PHF21B: variants seen among roughly 807,000 people sequenced by gnomAD.
PHF21B encodes PHD finger protein 4.
PHF21B carries 22 observed loss-of-function variants against 62.2 expected under a neutral mutation model. That is an observed-to-expected ratio of 0.35 (90% confidence interval 0.25 to 0.51). PHF21B has a LOEUF of 0.51. PHF21B is among the 20% of genes least tolerant of loss of function. The pLI is 0.97. For missense variants in PHF21B, 701 were observed against 707.9 expected (o/e 0.99, Z 0.11); for synonymous variants, 341 against 314.7 (o/e 1.08, Z -0.88).
At chr22:44,943,722 G>A (rs958195101) in intron 2 of PHF21B, among the ~76,000 whole-genome samples, 3 of 152,130 alleles carry the variant, frequency 2.0e-5, no homozygotes, top group Non-Finnish European at 4.4e-5. Flanking sequence ...AGCGACTCCT[G>A]GGCCGTGTGA....
At chr22:44,894,025 C>G (rs2071014397) in intron 6 of PHF21B, among the ~76,000 whole-genome samples, 1 of 152,244 alleles carries the variant, frequency 6.6e-6, no homozygotes, top group African/African-American at 2.4e-5. Flanking sequence ...CATGGCCACA[C>G]TGACGGTGTT....
intron 2 of PHF21B, among the ~76,000 whole-genome samples, chr22:44,942,229 T>C (rs1194309825): frequency 1.3e-5 from 2 of 152,070 alleles, no homozygotes; most frequent in African/African-American, 2.4e-5. Flanking sequence ...TCATACTTGG[T>C]GTGGGGGCCT....
chr22:44,969,669 A>G (rs1191321685), intron 2 of PHF21B, among the ~76,000 whole-genome samples: 1 of 151,956 alleles, frequency 6.6e-6, no homozygotes, highest in Non-Finnish European at 1.5e-5. Flanking sequence ...CAGTCTCAAA[A>G]AAAAAGAAAA....
intron 2 of PHF21B, among the ~76,000 whole-genome samples, chr22:44,960,388 G>A (rs1448137388): frequency 6.6e-6 from 1 of 152,102 alleles, no homozygotes; most frequent in Non-Finnish European, 1.5e-5. Flanking sequence ...GCAGCACCAG[G>A]CAAAGCCCCC....
intron 12 of PHF21B, among the ~76,000 whole-genome samples, chr22:44,884,078 T>TCATTACCACC (rs2070790996): frequency 1.2e-5 from 1 of 84,554 alleles, no homozygotes; most frequent in African/African-American, 4.4e-5. Context: ...TGATCACCAT[T>TCATTACCACC]ATCACCACCG....
At chr22:44,999,564 T>C (rs2073176956) in intron 2 of PHF21B, among the ~76,000 whole-genome samples, 2 of 152,174 alleles carry the variant, frequency 1.3e-5, no homozygotes. Flanking sequence ...CCAGGACGGT[T>C]ACTAACTTGC....
rs564617766 is a variant in PHF21B, at chr22:44,923,195, C to A, written c.121-2705G>T. On this transcript the variant is annotated intron_variant, in intron 2 of 12. Transcript: ENST00000313237. Reference sequence around the variant, plus strand: ...AAAGTAGACTTACACATACATAGTCCATTGATTTTCAGCAAAGCCCAAAAA... The same window carrying A: ...AAAGTAGACTTACACATACATAGTCAATTGATTTTCAGCAAAGCCCAAAAA... 1.5e-3 allele frequency among the ~76,000 whole-genome samples: 225 copies of A among 152,102 alleles called. 1 individual carries two copies. Among genetic ancestry groups the A allele is most frequent in the South Asian group, 7.5e-3 (36 of 4,806 alleles).
At chr22:44,938,512 C>T (rs893190690) in intron 2 of PHF21B, among the ~76,000 whole-genome samples, 2 of 152,330 alleles carry the variant, frequency 1.3e-5, no homozygotes, top group South Asian at 4.1e-4. Context: ...GGACTACAGG[C>T]GTGAGCCACT....
At chr22:44,963,626 C>A (rs1049418494) in intron 2 of PHF21B, among the ~76,000 whole-genome samples, 3 of 152,214 alleles carry the variant, frequency 2.0e-5, no homozygotes, top group Non-Finnish European at 2.9e-5. Context: ...AGGCACTCAC[C>A]GCAGACTTTG....
intron 2 of PHF21B, among the ~76,000 whole-genome samples, chr22:44,956,003 G>T (rs2072289247): frequency 6.6e-6 from 1 of 152,196 alleles, no homozygotes; most frequent in Non-Finnish European, 1.5e-5. Context: ...GAGGCACGGT[G>T]CTTTGTCCTG....
At chr22:44,956,101 T>C (rs1423877466) in intron 2 of PHF21B, among the ~76,000 whole-genome samples, 1 of 152,208 alleles carries the variant, frequency 6.6e-6, no homozygotes, top group Non-Finnish European at 1.5e-5. Context: ...GCCCTCCAGC[T>C]TGACGACACA....
chr22:44,954,817 C>T (rs2072262450), intron 2 of PHF21B, among the ~76,000 whole-genome samples: 1 of 152,202 alleles, frequency 6.6e-6, no homozygotes, highest in African/African-American at 2.4e-5. Flanking sequence ...TGGTCTGGCC[C>T]CGCTGGAAGA....
chr22:44,982,445 A>C (rs2072860316), intron 2 of PHF21B, among the ~76,000 whole-genome samples: 1 of 152,194 alleles, frequency 6.6e-6, no homozygotes, highest in South Asian at 2.1e-4. Flanking sequence ...TGGGGCTCGG[A>C]AAGTCATCCG....
intron 2 of PHF21B, among the ~76,000 whole-genome samples, chr22:44,958,680 A>G (rs1165338299): frequency 7.7e-6 from 1 of 130,638 alleles, no homozygotes. Context: ...ATCTTGGCTC[A>G]CAGCAACCTC....
chr22:44,975,816 C>T (rs1184456210), intron 2 of PHF21B, among the ~76,000 whole-genome samples: 1 of 152,224 alleles, frequency 6.6e-6, no homozygotes, highest in African/African-American at 2.4e-5. Context: ...CAGGAGAGGG[C>T]GCTGGTCAGT....
intron 5 of PHF21B, among the ~76,000 whole-genome samples, chr22:44,898,105 G>C (rs2071091372): frequency 6.6e-6 from 1 of 152,172 alleles, no homozygotes; most frequent in African/African-American, 2.4e-5. Context: ...ACTGTGCCCA[G>C]CCCTTTGTTT....
intron 2 of PHF21B, among the ~76,000 whole-genome samples, chr22:44,962,939 T>C (rs16993229): frequency 0.13 from 19,308 of 152,178 alleles, 1,391 homozygotes; most frequent in South Asian, 0.28. Flanking sequence ...ACCATGATGA[T>C]AAAACAAATC....
chr22:44,968,482 A>G (rs1259061410), intron 2 of PHF21B, among the ~76,000 whole-genome samples: 1 of 152,098 alleles, frequency 6.6e-6, no homozygotes, highest in African/African-American at 2.4e-5. Flanking sequence ...TGTCTCTACT[A>G]AAAATACAAA....
intron 5 of PHF21B, chr22:44,901,400 A>G (rs900604041): frequency 6.2e-6 from 1 of 162,560 alleles, no homozygotes; most frequent in African/African-American, 2.4e-5. Context: ...GGAAACAGGA[A>G]CCAATGCCAA....
Sources: gnomAD v4.1 joint callset for allele counts (sites outside exome capture counted in the v4.1 genomes callset) on GRCh38, gnomAD v4.1.1 for gene constraint, MANE v1.5 for transcripts, NCBI Gene and HGNC (gene_info 2026-07-23, HGNC 2026-07-21) for gene names.